The following ZC3H12B variants were observed in gnomAD, a reference collection of about 807,000 sequenced individuals.
ZC3H12B encodes zinc finger CCCH-type containing 12B, also known as probable ribonuclease ZC3H12B.
Under a neutral mutation model 43.9 loss-of-function variants are expected in ZC3H12B, and 7 were observed. The ratio of observed to expected loss-of-function variants is 0.16; its 90% CI spans 0.09 to 0.30. The LOEUF is 0.30. ZC3H12B is among the 10% of genes least tolerant of loss of function. The probability of loss-of-function intolerance (pLI) is 1.00; values close to 1 mark genes in which losing one functional copy is unlikely to be tolerated. For synonymous variants in ZC3H12B, 222 were observed against 241.7 expected, an observed-to-expected ratio of 0.92 and a Z score of 0.76; for missense variants, 475 against 670.2, an observed-to-expected ratio of 0.71 and a Z score of 3.22.
At chrX:65,343,978 T>C in the ZC3H12B span, among the ~76,000 whole-genome samples, 3 of 112,219 alleles carry the variant, frequency 2.7e-5, no homozygotes, top group African/African-American at 9.7e-5. Flanking sequence ...ACAAATTCAG[T>C]GAAACCTCAG....
At chrX:65,349,470 C>T in the ZC3H12B span, among the ~76,000 whole-genome samples, 8 of 111,257 alleles carry the variant, frequency 7.2e-5, no homozygotes, top group African/African-American at 1.3e-4. Context: ...GAAGCAACAG[C>T]GAACAAATTC....
chrX:65,309,166 C>CA, the ZC3H12B span, among the ~76,000 whole-genome samples: 23,736 of 95,250 alleles, frequency 0.25, 6,769 homozygotes, highest in African/African-American at 0.8. Context: ...GCTAGAAACA[C>CA]AAAAAAAAAA....
At chrX:65,390,110 C>T (rs1888698258) in intron 2 of ZC3H12B, among the ~76,000 whole-genome samples, 1 of 111,415 alleles carries the variant, frequency 9.0e-6, no homozygotes, top group Non-Finnish European at 1.9e-5. Context: ...TTTGTAGGGA[C>T]ATGGATGAAG....
At chrX:65,469,559 C>T (rs2067877550) in intron 3 of ZC3H12B, 1 of 275,566 alleles carries the variant, frequency 3.6e-6, no homozygotes, top group Non-Finnish European at 6.8e-6. Flanking sequence ...CACACCATCT[C>T]GCCCATTGAT....
the ZC3H12B span, among the ~76,000 whole-genome samples, chrX:65,042,448 T>C: frequency 1.5e-4 from 17 of 112,840 alleles, no homozygotes; most frequent in African/African-American, 4.8e-4. Context: ...TAAAAACTTT[T>C]GATTTTGAAA....
chrX:65,421,640 A>T (rs5964970), intron 3 of ZC3H12B, among the ~76,000 whole-genome samples: 16,037 of 111,896 alleles, frequency 0.14, 2,737 homozygotes, highest in African/African-American at 0.49. Flanking sequence ...ATTGCTTCTG[A>T]TCAAGGAACT....
chrX:65,195,621 G>C, the ZC3H12B span, among the ~76,000 whole-genome samples: 7 of 112,401 alleles, frequency 6.2e-5, no homozygotes, highest in Non-Finnish European at 1.1e-4. Flanking sequence ...GATAGTTATA[G>C]TAATAGTCAA....
chrX:65,102,305 T>C, the ZC3H12B span, among the ~76,000 whole-genome samples: 1 of 111,802 alleles, frequency 8.9e-6, no homozygotes. Flanking sequence ...GCTGGAAGCA[T>C]TACCTTTGAA....
chrX:65,461,465 A>G (rs1259263084), intron 3 of ZC3H12B, among the ~76,000 whole-genome samples: 2 of 112,476 alleles, frequency 1.8e-5, no homozygotes, highest in Non-Finnish European at 3.7e-5. Flanking sequence ...ATGTCCAACA[A>G]TGATAGACGG....
At chrX:65,320,696 A>G in the ZC3H12B span, among the ~76,000 whole-genome samples, 12 of 112,189 alleles carry the variant, frequency 1.1e-4, no homozygotes, top group African/African-American at 3.9e-4. Context: ...GTAAAAAAGC[A>G]CACACATAGA....
At chrX:65,123,903 G>C in the ZC3H12B span, among the ~76,000 whole-genome samples, 2 of 109,532 alleles carry the variant, frequency 1.8e-5, no homozygotes, top group Non-Finnish European at 3.8e-5. Flanking sequence ...GAGTCTTTAG[G>C]GTTTTCTAAG....
intron 2 of ZC3H12B, among the ~76,000 whole-genome samples, chrX:65,389,812 C>T (rs979336559): frequency 3.6e-5 from 4 of 112,493 alleles, no homozygotes; most frequent in Non-Finnish European, 7.5e-5. Context: ...GTTGGTGGGA[C>T]TGTAATCTAG....
the ZC3H12B span, among the ~76,000 whole-genome samples, chrX:65,290,604 C>T: frequency 2.7e-5 from 3 of 111,253 alleles, no homozygotes; most frequent in Non-Finnish European, 3.8e-5. Flanking sequence ...GGATTCAACC[C>T]AAGTATTCCT....
chrX:65,183,652 T>G, the ZC3H12B span, among the ~76,000 whole-genome samples: 1 of 112,038 alleles, frequency 8.9e-6, no homozygotes, highest in South Asian at 3.7e-4. Context: ...TACTTATCTT[T>G]TCCTGATGGA....
the ZC3H12B span, among the ~76,000 whole-genome samples, chrX:65,128,700 C>T: frequency 5.4e-5 from 6 of 112,030 alleles, no homozygotes; most frequent in Admixed American, 3.8e-4. Flanking sequence ...TTCAATTCTC[C>T]TAGTGTTCAC....
At chrX:65,335,694 C>T in the ZC3H12B span, among the ~76,000 whole-genome samples, 1 of 111,924 alleles carries the variant, frequency 8.9e-6, no homozygotes, top group Non-Finnish European at 1.9e-5. Flanking sequence ...AACTGCCAGA[C>T]TACAGCATTG....
the ZC3H12B span, among the ~76,000 whole-genome samples, chrX:65,250,298 T>G: frequency 2.7e-5 from 3 of 112,060 alleles, no homozygotes; most frequent in Admixed American, 9.5e-5. Flanking sequence ...AGTATTCCAT[T>G]GTGTATATGT....
the ZC3H12B span, among the ~76,000 whole-genome samples, chrX:65,314,432 G>A: frequency 1.1e-4 from 12 of 110,762 alleles, no homozygotes; most frequent in Non-Finnish European, 1.5e-4. Context: ...TAAGTACAGC[G>A]GACAGTGATT....
chrX:65,174,046 G>C, the ZC3H12B span, among the ~76,000 whole-genome samples: 4 of 111,501 alleles, frequency 3.6e-5, no homozygotes, highest in South Asian at 3.8e-4. Context: ...TCCAGAAACT[G>C]TTTGCCTGGG....
Sources: allele counts gnomAD v4.1 joint callset (sites outside exome capture counted in the v4.1 genomes callset), GRCh38; gene constraint gnomAD v4.1.1; transcripts MANE v1.5; gene names NCBI Gene and HGNC (gene_info 2026-07-23, HGNC 2026-07-21).